The following ZNF880 variants were observed in gnomAD, a reference collection of about 807,000 sequenced individuals.
The protein encoded by ZNF880 is zinc finger protein 880, also known as zinc finger protein LOC400713.
Under a neutral mutation model 11.8 loss-of-function variants are expected in ZNF880, and 12 were observed. The observed-to-expected ratio is 1.02, with a 90% CI of 0.65 to 1.65. The LOEUF (loss-of-function observed/expected upper bound fraction) is 1.65, where lower values mean the gene tolerates loss of function less well. ZNF880 is among the 40% of genes most tolerant of loss of function. The pLI is 0.00. For synonymous variants in ZNF880, 210 were observed against 232.4 expected (o/e 0.90, Z 0.88); for missense variants, 601 against 673.9 (o/e 0.89, Z 1.20).
chr19:52,390,277 T>C (rs1029729611), downstream of ZNF880: 25 of 327,494 alleles, frequency 7.6e-5, no homozygotes, highest in Non-Finnish European at 1.3e-4. Flanking sequence ...CCCTGGGAGC[T>C]TCCCATCTGC....
chr19:52,396,162 G>A, the ZNF880 span, among the ~76,000 whole-genome samples: 2 of 132,420 alleles, frequency 1.5e-5, no homozygotes, highest in African/African-American at 2.9e-5. Flanking sequence ...TAGAGACTTC[G>A]TTTCACCATG....
At chr19:52,368,906 CA>C (rs908190354), upstream of ZNF880, among the ~76,000 whole-genome samples, 37 of 133,482 alleles carry the variant, frequency 2.8e-4, no homozygotes, top group African/African-American at 1.1e-3. Flanking sequence ...CACTTGATGC[CA>C]GGAGGTCGAG....
the ZNF880 span, among the ~76,000 whole-genome samples, chr19:52,393,900 G>C: frequency 0.011 from 1,557 of 141,246 alleles, 35 homozygotes; most frequent in African/African-American, 0.038. Context: ...GCAGTGGCGC[G>C]ATCTCAGCTC....
chr19:52,373,942 T>G (rs1986473952), intron 2 of ZNF880, among the ~76,000 whole-genome samples: 1 of 152,106 alleles, frequency 6.6e-6, no homozygotes, highest in Non-Finnish European at 1.5e-5. Context: ...GTGCTGAGAT[T>G]ATAGGCGTGA....
At chr19:52,391,724 T>C in the ZNF880 span, among the ~76,000 whole-genome samples, 12 of 152,226 alleles carry the variant, frequency 7.9e-5, no homozygotes, top group Non-Finnish European at 1.8e-4. Flanking sequence ...CATTTCCTAA[T>C]TCTTGGTATC....
chr19:52,369,384 A>G (rs945397682), upstream of ZNF880, among the ~76,000 whole-genome samples: 30 of 147,434 alleles, frequency 2.0e-4, no homozygotes, highest in African/African-American at 7.3e-4. Context: ...AAAAAAAAAA[A>G]GGAAATTGCA....
At chr19:52,375,910 C>G (rs945004793) in intron 3 of ZNF880, among the ~76,000 whole-genome samples, 2 of 152,196 alleles carry the variant, frequency 1.3e-5, no homozygotes, top group South Asian at 4.1e-4. Context: ...CTGGCCTCAA[C>G]TATTCTTCCC....
intron 1 of ZNF880, among the ~76,000 whole-genome samples, chr19:52,372,672 T>C (rs1196935898): frequency 2.8e-5 from 4 of 145,110 alleles, no homozygotes; most frequent in African/African-American, 7.6e-5. Context: ...GAGGCCGAGG[T>C]GGGCGGATCA....
downstream of ZNF880, chr19:52,390,350 C>T (rs901753564): frequency 4.7e-6 from 2 of 428,324 alleles, no homozygotes; most frequent in African/African-American, 2.1e-5. Flanking sequence ...AGGCCGTGAA[C>T]TCTTCCTGGT....
intron 3 of ZNF880, chr19:52,380,025 GTAGCTGGGAT>G (rs1462644730): frequency 6.6e-6 from 1 of 151,922 alleles, no homozygotes; most frequent in Non-Finnish European, 1.5e-5. Flanking sequence ...AGCCTCCCAA[GTAGCTGGGAT>G]TACAGGCGTG....
intron 3 of ZNF880, among the ~76,000 whole-genome samples, chr19:52,382,458 G>GT (rs1483350766): frequency 6.6e-6 from 1 of 151,950 alleles, no homozygotes; most frequent in Non-Finnish European, 1.5e-5. Context: ...TTCTTGTTGG[G>GT]TAAGTCTAGA....
chr19:52,369,568 T>TTTC (rs541772022), upstream of ZNF880, among the ~76,000 whole-genome samples: 49 of 152,166 alleles, frequency 3.2e-4, no homozygotes, highest in South Asian at 1.0e-2. Context: ...AGGCGCAAGG[T>TTTC]TTCTCTCTCA....
Position 52,385,245 on chromosome 19 carries a change from G to C in ZNF880, c.1665G>C (p.Lys555Asn). ...CGTACAGATGTCATGAATGTGGTAAGGACTTCACTCGAAATTCAAACCTGG... is the reference window on the plus strand; with the variant it reads ...CGTACAGATGTCATGAATGTGGTAACGACTTCACTCGAAATTCAAACCTGG... Reference protein sequence around the residue: ...EKPYRCHECGKDFTRNSNLAN... With the variant: ...EKPYRCHECGNDFTRNSNLAN... Residue 555 changes from lysine (K) to asparagine (N), a missense_variant, in exon 4 of 4, where the codon AAG becomes AAC. Lys to Asn is a moderately conservative substitution (Grantham distance 94). This residue lies in a region of ZNF880 where 177 missense variants were observed against 214.5 expected (regional missense o/e 0.83). Transcript: ENST00000422689. 1 of 1,551,822 alleles carries C rather than the reference G, an allele frequency of 6.4e-7. No individual in the cohort carries two copies. Among genetic ancestry groups the C allele is most frequent in the Non-Finnish European group, 8.7e-7 (1 of 1,147,128 alleles).
Position 52,383,846 on chromosome 19 carries a change from T to A in ZNF880, c.269-3T>A. The A allele has an allele frequency of 6.6e-7, 1 of 1,524,382 alleles. No homozygotes were observed. Among genetic ancestry groups the A allele is most frequent in the Non-Finnish European group, 8.8e-7 (1 of 1,138,328 alleles). 94.4% of individuals were successfully genotyped at this position (1,524,382 alleles called of 1,614,324 possible). ...AAGTTCCACTTTTTTCTTTCTTTTTTAGAGAGCAGCTCTAAATTGGGAAGC... is the reference window on the plus strand; with the variant it reads ...AAGTTCCACTTTTTTCTTTCTTTTTAAGAGAGCAGCTCTAAATTGGGAAGC... On this transcript the variant is annotated splice_polypyrimidine_tract_variant and splice_region_variant and intron_variant, in intron 3 of 3. Transcript: ENST00000422689.
upstream of ZNF880, chr19:52,369,800 TC>T: frequency 2.7e-6 from 2 of 743,744 alleles, no homozygotes; most frequent in South Asian, 1.6e-5. Flanking sequence ...GCTGAGTTCT[TC>T]CAGTCTCCAC....
intron 3 of ZNF880, among the ~76,000 whole-genome samples, chr19:52,382,326 A>G (rs1210560738): frequency 1.3e-5 from 2 of 152,176 alleles, no homozygotes; most frequent in Non-Finnish European, 2.9e-5. Context: ...GAAAAGAGTA[A>G]TAATAAATAT....
chr19:52,379,402 CT>C (rs71304201), intron 3 of ZNF880: 34,442 of 341,358 alleles, frequency 0.1, no homozygotes, highest in South Asian at 0.14. Context: ...TTTCATTTTT[CT>C]TTTTTTTTTT....
chr19:52,390,852 T>A, the ZNF880 span: 1 of 152,502 alleles, frequency 6.6e-6, no homozygotes, highest in Non-Finnish European at 1.5e-5. Context: ...GAATCGCTTT[T>A]ACCCGGGAGG....
chr19:52,370,930 G>A (rs77041130), intron 1 of ZNF880, among the ~76,000 whole-genome samples: 4,010 of 152,194 alleles, frequency 0.026, 178 homozygotes, highest in African/African-American at 0.092. Context: ...ATTAAAAAAC[G>A]AACAAAGACA....
Sources: gnomAD v4.1 joint callset for allele counts (sites outside exome capture counted in the v4.1 genomes callset) on GRCh38, gnomAD v4.1.1 for gene constraint, gnomAD v4.1.1 regional missense constraint, MANE v1.5 for transcripts, NCBI Gene and HGNC (gene_info 2026-07-23, HGNC 2026-07-21) for gene names.